Variants in METTL15 observed in about 807,000 individuals in gnomAD.
METTL15 encodes the protein 12S rRNA N(4)-cytidine methyltransferase METTL15.
Under a neutral mutation model 38.3 loss-of-function variants are expected in METTL15, and 34 were observed. That is an observed-to-expected ratio of 0.89 (90% CI 0.68 to 1.18). METTL15 has a LOEUF of 1.18. METTL15 is among the 50% of genes most tolerant of loss of function. The pLI is 0.00. For missense variants in METTL15, 438 were observed against 498.4 expected, an observed-to-expected ratio of 0.88 and a Z score of 1.15; for synonymous variants, 162 against 170.9, an observed-to-expected ratio of 0.95 and a Z score of 0.41.
intron 6 of METTL15, among the ~76,000 whole-genome samples, chr11:28,469,618 G>A (rs1039905183): frequency 1.8e-4 from 27 of 152,030 alleles, no homozygotes; most frequent in Non-Finnish European, 4.4e-5. Context: ...GTAAAATGGG[G>A]TAATAATGAT....
intron 3 of METTL15, among the ~76,000 whole-genome samples, chr11:28,186,641 A>G (rs1406577492): frequency 6.6e-6 from 1 of 151,192 alleles, no homozygotes. Flanking sequence ...TAAAGTGAGA[A>G]GGAAGTTTTA....
intron 6 of METTL15, among the ~76,000 whole-genome samples, chr11:28,432,588 T>C (rs904616509): frequency 1.2e-4 from 18 of 152,244 alleles, no homozygotes; most frequent in African/African-American, 4.3e-4. Flanking sequence ...TAGACAAATC[T>C]AAGTTTGTAC....
rs561179374 is a variant in METTL15, at chr11:28,257,336, G to A, written c.408-32870G>A. On this transcript the variant is annotated intron_variant, in intron 4 of 6. Coordinates refer to ENST00000407364, the MANE Select transcript of METTL15 (RefSeq NM_001113528.2). ...TCCTTTTTAAAATCTTTGTCCTTTG[G>A]GAGTCTGATGATTAAATGCCTTGAG... Among the ~76,000 whole-genome samples the A allele has an allele frequency of 2.4e-3, 360 of 152,092 alleles. 2 individuals are homozygous for A. Among genetic ancestry groups the A allele is most frequent in the Non-Finnish European group, 4.6e-3 (312 of 68,006 alleles).
chr11:28,140,162 A>AG (rs1849651669), intron 3 of METTL15, among the ~76,000 whole-genome samples: 1 of 152,194 alleles, frequency 6.6e-6, no homozygotes, highest in Non-Finnish European at 1.5e-5. Flanking sequence ...TGTGCCTCTA[A>AG]GAACAGATGG....
At chr11:28,199,018 T>C (rs1393726613) in intron 3 of METTL15, among the ~76,000 whole-genome samples, 1 of 151,572 alleles carries the variant, frequency 6.6e-6, no homozygotes, top group Non-Finnish European at 1.5e-5. Flanking sequence ...AAACTTGTCA[T>C]ACTAGCTCAT....
At chr11:28,394,734 A>G (rs544672331) in intron 5 of METTL15, among the ~76,000 whole-genome samples, 1 of 152,210 alleles carries the variant, frequency 6.6e-6, no homozygotes, top group African/African-American at 2.4e-5. Context: ...GTCTACTGGA[A>G]GTGGCTTCTA....
chr11:28,270,797 TA>T (rs1855612076), intron 4 of METTL15, among the ~76,000 whole-genome samples: 1 of 152,186 alleles, frequency 6.6e-6, no homozygotes, highest in East Asian at 1.9e-4. Context: ...GCAGGGGTAG[TA>T]TGGCATAGTG....
chr11:28,368,595 G>A (rs755034305), intron 5 of METTL15, among the ~76,000 whole-genome samples: 3 of 152,132 alleles, frequency 2.0e-5, no homozygotes, highest in South Asian at 4.1e-4. Context: ...ACAGTGTGGC[G>A]ATTCCTCAAG....
intron 6 of METTL15, among the ~76,000 whole-genome samples, chr11:28,304,412 A>G (rs1857010740): frequency 1.3e-5 from 2 of 152,172 alleles, no homozygotes; most frequent in Admixed American, 1.3e-4. Context: ...CTTCAAAATA[A>G]AAGATAATGA....
At chr11:28,483,168 A>G (rs1851410798) in intron 6 of METTL15, among the ~76,000 whole-genome samples, 1 of 152,298 alleles carries the variant, frequency 6.6e-6, no homozygotes, top group South Asian at 2.1e-4. Flanking sequence ...CATTGGGCAT[A>G]ATGGGAGATA....
At chr11:28,227,065 C>T (rs183006126) in intron 4 of METTL15, among the ~76,000 whole-genome samples, 2 of 151,962 alleles carry the variant, frequency 1.3e-5, no homozygotes, top group East Asian at 3.9e-4. Context: ...ATATAACCTT[C>T]GCTCAGGAGA....
chr11:28,397,888 A>G (rs1364248677), intron 5 of METTL15, among the ~76,000 whole-genome samples: 1 of 152,172 alleles, frequency 6.6e-6, no homozygotes, highest in Admixed American at 6.6e-5. Flanking sequence ...GCACATATAC[A>G]CCATGGAATA....
At chr11:28,370,206 C>T (rs1850228440) in intron 5 of METTL15, among the ~76,000 whole-genome samples, 1 of 151,980 alleles carries the variant, frequency 6.6e-6, no homozygotes, top group Non-Finnish European at 1.5e-5. Context: ...AACCACACTT[C>T]ATCCCCCCAT....
intron 5 of METTL15, among the ~76,000 whole-genome samples, chr11:28,290,715 A>C (rs1856478267): frequency 6.6e-6 from 1 of 152,112 alleles, no homozygotes; most frequent in African/African-American, 2.4e-5. Context: ...TACTGCAACA[A>C]CGATTTCATT....
At chr11:28,308,873 T>A (rs527528148) in intron 6 of METTL15, among the ~76,000 whole-genome samples, 1 of 143,426 alleles carries the variant, frequency 7.0e-6, no homozygotes, top group African/African-American at 2.6e-5. Context: ...AAAGAAAGAT[T>A]AGATAGATAG....
intron 5 of METTL15, among the ~76,000 whole-genome samples, chr11:28,388,270 A>G (rs1309771257): frequency 6.6e-6 from 1 of 152,116 alleles, no homozygotes; most frequent in Admixed American, 6.6e-5. Context: ...AAGTGAAATT[A>G]TCACTATTTA....
intron 6 of METTL15, among the ~76,000 whole-genome samples, chr11:28,435,686 T>G (rs1220324182): frequency 6.6e-6 from 1 of 152,238 alleles, no homozygotes; most frequent in Admixed American, 6.5e-5. Flanking sequence ...CCAATGTAGC[T>G]GAATTAAAAA....
chr11:28,429,359 C>CTCTCCCTCTCCT (rs1243003467), intron 6 of METTL15, among the ~76,000 whole-genome samples: 4 of 112,088 alleles, frequency 3.6e-5, no homozygotes, highest in African/African-American at 1.4e-4. Context: ...AGCCCTCTCC[C>CTCTCCCTCTCCT]TCTCCCTCTC....
chr11:28,139,978 G>A (rs1849643512), intron 3 of METTL15, among the ~76,000 whole-genome samples: 1 of 152,190 alleles, frequency 6.6e-6, no homozygotes, highest in South Asian at 2.1e-4. Flanking sequence ...GAGACCCATG[G>A]CGGGAGTTGG....
Sources: allele counts gnomAD v4.1 joint callset (sites outside exome capture counted in the v4.1 genomes callset), GRCh38; gene constraint gnomAD v4.1.1; transcripts MANE v1.5; gene names NCBI Gene and HGNC (gene_info 2026-07-23, HGNC 2026-07-21).